The following PREX1 variants were observed in gnomAD, a reference collection of about 807,000 sequenced individuals.
PREX1 encodes phosphatidylinositol-3,4,5-trisphosphate dependent Rac exchange factor 1, also known as phosphatidylinositol 3,4,5-trisphosphate-dependent Rac exchanger 1 protein.
In PREX1, 41 loss-of-function variants were observed where a neutral mutation model predicts 198.3. The observed-to-expected ratio is 0.21, with a 90% CI of 0.16 to 0.27. The LOEUF (loss-of-function observed/expected upper bound fraction) is 0.27. PREX1 is among the 10% of genes least tolerant of loss of function. The pLI is 1.00. For missense variants in PREX1, 1,620 were observed against 2,200.7 expected (o/e 0.74, Z 5.28); for synonymous variants, 843 against 887.2 (o/e 0.95, Z 0.89).
chr20:48,880,981 TAAAAAAAAAAAAAAAAAA>T, the PREX1 span, among the ~76,000 whole-genome samples: 1 of 20,968 alleles, frequency 4.8e-5, no homozygotes, highest in African/African-American at 2.6e-4. Context: ...AAACCATTGC[TAAAAAAAAAAAAAAAAAA>T]AAAAAAAAAA....
In PREX1 at chr20:48,812,850, T is replaced by C. The variant is rs567003420; in HGVS notation, c.219+14792A>G. On this transcript the variant is annotated intron_variant, in intron 1 of 39. Transcript: ENST00000371941. ...CTTGCTGATGGAGAGCATTTAGCAG[T>C]GACACGAGGAAGTATGCACAAGCAG... Among the ~76,000 whole-genome samples, 31 of 152,314 alleles carry C rather than the reference T, an allele frequency of 2.0e-4. No individual in the cohort carries two copies. The South Asian group carries it at 5.8e-3, about 29-fold the overall frequency.
intron 1 of PREX1, among the ~76,000 whole-genome samples, chr20:48,818,055 G>A (rs1410286973): frequency 6.6e-6 from 1 of 152,194 alleles, no homozygotes; most frequent in Admixed American, 6.5e-5. Flanking sequence ...ATGATTTTGA[G>A]CAAAGGCCTG....
intron 39 of PREX1, among the ~76,000 whole-genome samples, chr20:48,626,215 T>C (rs2089271071): frequency 6.6e-6 from 1 of 152,148 alleles, no homozygotes; most frequent in South Asian, 2.1e-4. Context: ...CATTCCACAC[T>C]AGTGGGGGCC....
At position 48,696,606 on chromosome 20, in the gene PREX1, C is replaced by CACATACAT. The variant is rs56182314; in HGVS notation, c.918-3824_918-3817dup. Among the ~76,000 whole-genome samples, 319 of 142,932 alleles carry CACATACAT rather than the reference C, an allele frequency of 2.2e-3. 2 individuals are homozygous for CACATACAT. Among genetic ancestry groups the CACATACAT allele is most frequent in the African/African-American group, 6.7e-3 (270 of 40,538 alleles). The allele number at this position is 142,932 out of a possible 152,430, so 93.8% of individuals were successfully genotyped here. ...AGTCAGCTGATCATTTACACACACA[C>CACATACAT]ACATACATACATACATACATACATA... On this transcript the variant is annotated intron_variant, in intron 7 of 39. Transcript: ENST00000371941.
At chr20:48,809,079 G>A (rs933305281) in intron 1 of PREX1, among the ~76,000 whole-genome samples, 13 of 152,172 alleles carry the variant, frequency 8.5e-5, no homozygotes, top group African/African-American at 3.1e-4. Context: ...CAGGTTCTTG[G>A]GGGGCTATGT....
At chr20:48,807,572 CT>C (rs202007274) in intron 1 of PREX1, among the ~76,000 whole-genome samples, 1 of 151,856 alleles carries the variant, frequency 6.6e-6, no homozygotes, top group Non-Finnish European at 1.5e-5. Flanking sequence ...TCTTTACCTA[CT>C]TTTTTTTTCT....
At chr20:48,840,305 G>A in the PREX1 span, among the ~76,000 whole-genome samples, 3 of 148,956 alleles carry the variant, frequency 2.0e-5, no homozygotes, top group South Asian at 4.2e-4. Flanking sequence ...GTGAGCCACC[G>A]TGCCTGACCA....
chr20:48,658,507 A>G (rs1316877849), intron 16 of PREX1, among the ~76,000 whole-genome samples: 1 of 152,238 alleles, frequency 6.6e-6, no homozygotes, highest in Non-Finnish European at 1.5e-5. Flanking sequence ...ACCCCAGGGC[A>G]GGATGGCAGG....
chr20:48,725,300 G>C (rs779141135), intron 5 of PREX1, among the ~76,000 whole-genome samples: 8 of 152,266 alleles, frequency 5.3e-5, no homozygotes, highest in Non-Finnish European at 1.0e-4. Flanking sequence ...GCCAGGACAG[G>C]CTCCGGCCAA....
the PREX1 span, among the ~76,000 whole-genome samples, chr20:48,855,879 C>T: frequency 2.0e-5 from 3 of 152,138 alleles, no homozygotes; most frequent in East Asian, 5.8e-4. Flanking sequence ...CCGGCCTGGG[C>T]GATAGAGCGA....
At chr20:48,815,502 T>C (rs2090455077) in intron 1 of PREX1, among the ~76,000 whole-genome samples, 1 of 152,164 alleles carries the variant, frequency 6.6e-6, no homozygotes, top group Non-Finnish European at 1.5e-5. Flanking sequence ...TGGAGATCAA[T>C]GCAATCAGAT....
chr20:48,726,142 A>C, intron 5 of PREX1, 148 bp downstream of exon 5: 1 of 644,070 alleles, frequency 1.6e-6, no homozygotes, highest in South Asian at 1.9e-5. Flanking sequence ...AGGGTGAACG[A>C]GAGAGAAAGA....
At chr20:48,697,824 G>A (rs185295007) in intron 7 of PREX1, among the ~76,000 whole-genome samples, 15 of 152,272 alleles carry the variant, frequency 9.9e-5, no homozygotes, top group Admixed American at 4.6e-4. Context: ...ACTCCCTCCC[G>A]TTTTCCACTT....
intron 1 of PREX1, among the ~76,000 whole-genome samples, chr20:48,817,753 T>C (rs1261069969): frequency 6.6e-6 from 1 of 152,212 alleles, no homozygotes; most frequent in African/African-American, 2.4e-5. Context: ...TTAGCAATTA[T>C]ATAATTCAAA....
At position 48,691,138 on chromosome 20, in the gene PREX1, G is replaced by A. The variant is rs768411421; in HGVS notation, c.1037-42C>T. ...GCAAAGGTGCAGCAGAGACTCAGCC[G>A]CGTGACCTTCAACACTCCCCATTGC... On this transcript the variant is annotated intron_variant, in intron 8 of 39. Transcript: ENST00000371941. This position sits in a 1 kb window ranked among gnomAD's most constrained non-coding sequence, Gnocchi z 5.0. 119 of 1,613,254 alleles carry A rather than the reference G, an allele frequency of 7.4e-5. 1 individual carries two copies. Among genetic ancestry groups the A allele is most frequent in the South Asian group, 2.4e-4 (22 of 91,018 alleles).
chr20:48,657,052 G>T lies in PREX1; in HGVS notation c.2111C>A (p.Thr704Lys), dbSNP rs768227498. 1.1e-5 allele frequency: 18 copies of T among 1,595,698 alleles called. No individual in the cohort carries two copies. The highest frequency in any genetic ancestry group is 1.7e-5 in the Admixed American group (1 of 57,466). Residue 704 changes from threonine (T) to lysine (K), a missense_variant, in exon 18 of 40, where the codon ACG (threonine) becomes AAG (lysine). By Grantham distance (78) the Thr-to-Lys change is moderately conservative. Transcript: ENST00000371941. Reference sequence around the variant, plus strand: ...CTGGGACACTCACTCTTTGGCCTTCGTGGCCACCAGGAGGCGCAGAGGGCG... The same window carrying T: ...CTGGGACACTCACTCTTTGGCCTTCTTGGCCACCAGGAGGCGCAGAGGGCG... ...SRRPLRLLVA[T>K]KAKEIIKIPD... is the part of the protein sequence containing the mutation.
intron 35 of PREX1, among the ~76,000 whole-genome samples, chr20:48,631,174 ACTT>A (rs1222326909): frequency 1.3e-5 from 2 of 152,306 alleles, no homozygotes; most frequent in Non-Finnish European, 2.9e-5. Context: ...GGGTCAGCGA[ACTT>A]CTTCTGTGAA....
chr20:48,831,839 TGGC>T (rs1353598578), upstream of PREX1, among the ~76,000 whole-genome samples: 1 of 152,164 alleles, frequency 6.6e-6, no homozygotes, highest in African/African-American at 2.4e-5. Flanking sequence ...GCCTCAGCCT[TGGC>T]GGGATCAGTG....
intron 7 of PREX1, among the ~76,000 whole-genome samples, chr20:48,697,358 G>A (rs1281972770): frequency 6.7e-6 from 1 of 148,954 alleles, no homozygotes; most frequent in East Asian, 2.0e-4. Context: ...ATAGTAAGCA[G>A]AGCCTCTGTG....
Sources: allele counts gnomAD v4.1 joint callset (sites outside exome capture counted in the v4.1 genomes callset), GRCh38; gene constraint gnomAD v4.1.1; non-coding constraint Gnocchi (gnomAD v3.1); transcripts MANE v1.5; gene names NCBI Gene and HGNC (gene_info 2026-07-23, HGNC 2026-07-21).